Variants in STPG2 observed in about 807,000 individuals in gnomAD.
The protein encoded by STPG2 is sperm-tail PG-rich repeat-containing protein 2.
Under a neutral mutation model 54.2 loss-of-function variants are expected in STPG2, and 56 were observed. The observed-to-expected ratio is 1.03, with a 90% CI of 0.83 to 1.29. STPG2 has a LOEUF of 1.29. Ranked by LOEUF, STPG2 falls within the 50% of genes most tolerant of loss-of-function variation. STPG2 has a pLI of 0.00. For synonymous variants in STPG2, 200 were observed against 181.8 expected (o/e 1.10, Z -0.81); for missense variants, 596 against 544.9 (o/e 1.09, Z -0.93).
At chr4:97,678,152 C>G (rs1722912314) in intron 10 of STPG2, among the ~76,000 whole-genome samples, 1 of 151,750 alleles carries the variant, frequency 6.6e-6, no homozygotes, top group Admixed American at 6.6e-5. Context: ...TATCCAAGTT[C>G]ATTTTAATCA....
intron 8 of STPG2, among the ~76,000 whole-genome samples, chr4:97,896,565 C>A (rs1220229662): frequency 6.6e-6 from 1 of 151,690 alleles, no homozygotes; most frequent in African/African-American, 2.4e-5. Flanking sequence ...CTAATCTATT[C>A]TTAAGTTATA....
chr4:97,694,814 A>G (rs1289367426), intron 10 of STPG2, among the ~76,000 whole-genome samples: 1 of 3,962 alleles, frequency 2.5e-4, no homozygotes, highest in Non-Finnish European at 3.8e-4. Flanking sequence ...CTCTGTCACA[A>G]AAAAAAAAAA....
intron 10 of STPG2, among the ~76,000 whole-genome samples, chr4:97,606,162 T>C (rs1733587317): frequency 6.6e-6 from 1 of 151,890 alleles, no homozygotes; most frequent in South Asian, 2.1e-4. Context: ...TGGGGCATTT[T>C]GTGATTTTAT....
intron 5 of STPG2, among the ~76,000 whole-genome samples, chr4:98,073,724 T>C (rs1738075098): frequency 6.6e-6 from 1 of 151,858 alleles, no homozygotes. Context: ...CAAAACTCCA[T>C]CCCAAAAAAT....
At position 98,128,665 on chromosome 4, in the gene STPG2, T is replaced by G. The variant is rs552233299; in HGVS notation, c.223-73A>C. The G allele has an allele frequency of 2.8e-5, 34 of 1,224,422 alleles. No individual in the cohort carries two copies. The East Asian group carries it at 8.3e-4, about 30-fold the overall frequency. 75.8% of individuals were successfully genotyped at this position (1,224,422 alleles called of 1,614,324 possible). ...GGAATGAAGAACCAAATATTAAAAGTTACTAAAAGGCAACTATTAAATATT... is the reference window on the plus strand; with the variant it reads ...GGAATGAAGAACCAAATATTAAAAGGTACTAAAAGGCAACTATTAAATATT... On this transcript the variant is annotated intron_variant, in intron 2 of 10. Coordinates refer to ENST00000295268, the MANE Select transcript of STPG2 (RefSeq NM_174952.3).
chr4:97,493,751 T>C (rs1316823902), intron 4 of STPG2, among the ~76,000 whole-genome samples: 3 of 151,572 alleles, frequency 2.0e-5, no homozygotes, highest in Non-Finnish European at 4.4e-5. Context: ...TGTTCCATTT[T>C]CAAGCAGAAT....
At chr4:97,479,649 TAG>T (rs1389942738) in intron 4 of STPG2, among the ~76,000 whole-genome samples, 1 of 151,938 alleles carries the variant, frequency 6.6e-6, no homozygotes, top group Non-Finnish European at 1.5e-5. Context: ...AACCAGATTT[TAG>T]AGTCTTTAGG....
intron 10 of STPG2, among the ~76,000 whole-genome samples, chr4:97,682,773 T>C (rs1723072779): frequency 6.6e-6 from 1 of 151,862 alleles, no homozygotes; most frequent in African/African-American, 2.4e-5. Flanking sequence ...CAGGTTTATG[T>C]AGTGAAATTC....
intron 5 of STPG2, among the ~76,000 whole-genome samples, chr4:98,030,135 C>A: frequency 6.6e-6 from 1 of 152,174 alleles, no homozygotes; most frequent in Non-Finnish European, 1.5e-5. Context: ...CTATTCAAAT[C>A]TAATCAGCAT....
At chr4:97,681,433 A>T (rs568521432) in intron 10 of STPG2, among the ~76,000 whole-genome samples, 1 of 151,970 alleles carries the variant, frequency 6.6e-6, no homozygotes, top group Admixed American at 6.6e-5. Flanking sequence ...AGCCATTTTC[A>T]CTGCCTAAAA....
chr4:97,643,611 G>A (rs901298595), intron 10 of STPG2, among the ~76,000 whole-genome samples: 1 of 151,674 alleles, frequency 6.6e-6, no homozygotes, highest in Non-Finnish European at 1.5e-5. Flanking sequence ...TAAATATACA[G>A]TTGTGAGGCT....
chr4:97,634,053 A>T (rs1721405900), intron 10 of STPG2, among the ~76,000 whole-genome samples: 1 of 152,162 alleles, frequency 6.6e-6, no homozygotes, highest in Non-Finnish European at 1.5e-5. Flanking sequence ...ACAGACAAAC[A>T]AAAAGACCGC....
At chr4:97,945,751 G>C (rs6819047) in intron 7 of STPG2, among the ~76,000 whole-genome samples, 3 of 151,706 alleles carry the variant, frequency 2.0e-5, no homozygotes, top group African/African-American at 7.3e-5. Context: ...GTTTTTGTTC[G>C]TTACTTTTTA....
At chr4:97,552,569 A>T (rs1731988472) in intron 4 of STPG2, among the ~76,000 whole-genome samples, 1 of 152,100 alleles carries the variant, frequency 6.6e-6, no homozygotes, top group Admixed American at 6.6e-5. Context: ...TCTGCTGCTA[A>T]ATTCTTTTCA....
intron 7 of STPG2, among the ~76,000 whole-genome samples, chr4:97,968,514 G>T (rs564421219): frequency 6.6e-6 from 1 of 152,264 alleles, no homozygotes; most frequent in South Asian, 2.1e-4. Flanking sequence ...TATCCCTGAT[G>T]AACATCAATG....
intron 9 of STPG2, among the ~76,000 whole-genome samples, chr4:97,715,614 T>C (rs1459611112): frequency 1.3e-5 from 2 of 152,200 alleles, no homozygotes; most frequent in Non-Finnish European, 2.9e-5. Context: ...ATTTCATAAG[T>C]TGTTTGCTTT....
At chr4:98,034,757 C>T (rs1401271749) in intron 5 of STPG2, among the ~76,000 whole-genome samples, 2 of 152,056 alleles carry the variant, frequency 1.3e-5, no homozygotes, top group African/African-American at 4.8e-5. Context: ...GATATATAGA[C>T]CAATGGAACA....
intron 9 of STPG2, among the ~76,000 whole-genome samples, chr4:97,770,184 C>G (rs191089062): frequency 2.4e-4 from 36 of 152,206 alleles, no homozygotes; most frequent in African/African-American, 8.4e-4. Flanking sequence ...GGACTCCAGC[C>G]TAGGCGACAG....
At chr4:97,626,518 T>A (rs1734142682) in intron 10 of STPG2, among the ~76,000 whole-genome samples, 1 of 152,144 alleles carries the variant, frequency 6.6e-6, no homozygotes, top group South Asian at 2.1e-4. Flanking sequence ...TAATTAGTCT[T>A]CTTTTTAAGT....
Sources: gnomAD v4.1 joint callset for allele counts (sites outside exome capture counted in the v4.1 genomes callset) on GRCh38, gnomAD v4.1.1 for gene constraint, MANE v1.5 for transcripts, NCBI Gene and HGNC (gene_info 2026-07-23, HGNC 2026-07-21) for gene names.